The following FGF18 variants were observed in gnomAD, a reference collection of about 807,000 sequenced individuals.
FGF18 encodes fibroblast growth factor 18.
FGF18 carries 5 observed loss-of-function variants against 23.0 expected under a neutral mutation model. The observed-to-expected ratio is 0.22, with a 90% confidence interval of 0.11 to 0.46. The LOEUF is 0.46. Among genes scored for constraint, FGF18 ranks in the 20% least tolerant of loss-of-function variants. The probability of loss-of-function intolerance (pLI) is 0.99; values close to 1 mark genes in which losing one functional copy is unlikely to be tolerated. For missense variants in FGF18, 180 were observed against 291.6 expected, an observed-to-expected ratio of 0.62 and a Z score of 2.79; for synonymous variants, 117 against 118.9, an observed-to-expected ratio of 0.98 and a Z score of 0.10.
intron 1 of FGF18, 53 bp from the exon 2 acceptor site, chr5:171,420,354 G>T (rs1335569372): frequency 2.5e-6 from 4 of 1,609,392 alleles, no homozygotes; most frequent in East Asian, 2.2e-5. Context: ...CTGTCTGTCC[G>T]TGCGCCCCCT....
chr5:171,441,634 A>G (rs907591431), intron 3 of FGF18, among the ~76,000 whole-genome samples: 2 of 152,064 alleles, frequency 1.3e-5, no homozygotes, highest in African/African-American at 2.4e-5. Context: ...GCTGTTATAT[A>G]TTTAGTTACC....
chr5:171,456,495 C>A lies in FGF18; in HGVS notation c.358-44C>A. On this transcript the variant is annotated intron_variant, in intron 4 of 4. Coordinates refer to ENST00000274625, the MANE Select transcript of FGF18 (RefSeq NM_003862.3). This position sits in a 1 kb window ranked among gnomAD's most constrained non-coding sequence, Gnocchi z 6.1. The stretch of plus-strand genomic sequence containing the variant: ...CCTCGCTGTGCTTTGGCAAGCATAA[C>A]TGAGTCATTTTTTTCTTGAACACTC... 1 of 1,590,124 alleles carries A rather than the reference C, an allele frequency of 6.3e-7. No individual in the cohort carries two copies.
At chr5:171,441,439 G>A (rs1375173453) in intron 3 of FGF18, among the ~76,000 whole-genome samples, 2 of 152,186 alleles carry the variant, frequency 1.3e-5, no homozygotes, top group Non-Finnish European at 2.9e-5. Context: ...AGCCTTCCGG[G>A]CATCCCGTGA....
At chr5:171,446,871 G>A (rs1229276046) in intron 3 of FGF18, among the ~76,000 whole-genome samples, 2 of 152,192 alleles carry the variant, frequency 1.3e-5, no homozygotes, top group Non-Finnish European at 2.9e-5. Context: ...ATTTTGCAGT[G>A]TGGGATGTCT....
intron 2 of FGF18, among the ~76,000 whole-genome samples, chr5:171,430,087 G>A (rs1291317119): frequency 2.0e-5 from 3 of 152,236 alleles, no homozygotes; most frequent in East Asian, 1.9e-4. Flanking sequence ...GGCTGAGCGC[G>A]GTGGCTCACG....
chr5:171,428,123 G>A (rs928962434), intron 2 of FGF18, among the ~76,000 whole-genome samples: 5 of 152,202 alleles, frequency 3.3e-5, no homozygotes, highest in African/African-American at 9.7e-5. Context: ...TCTCAAGGCC[G>A]GATTGTCCAC....
At chr5:171,443,988 A>C (rs1186689685) in intron 3 of FGF18, among the ~76,000 whole-genome samples, 1 of 151,222 alleles carries the variant, frequency 6.6e-6, no homozygotes, top group Non-Finnish European at 1.5e-5. Context: ...TCTCCTCTTC[A>C]TCAGATCTGA....
chr5:171,442,769 C>G (rs957269128), intron 3 of FGF18, among the ~76,000 whole-genome samples: 12 of 152,212 alleles, frequency 7.9e-5, no homozygotes, highest in African/African-American at 2.9e-4. Flanking sequence ...ACCCTTCAAA[C>G]CCAAAGTCTT....
rs543837502 is a variant in FGF18, at chr5:171,451,751, G to A, written c.357+2498G>A. Among the ~76,000 whole-genome samples the A allele has an allele frequency of 2.2e-4, 34 of 152,306 alleles. No homozygotes were observed. Among genetic ancestry groups the A allele is most frequent in the Middle Eastern group, 3.4e-3 (1 of 294 alleles). ...GGATTCCTTATGCTCCAGATGCGTGGCACTGAGCACCGCTGTTCCATGGAC... is the reference window on the plus strand; with the variant it reads ...GGATTCCTTATGCTCCAGATGCGTGACACTGAGCACCGCTGTTCCATGGAC... On this transcript the variant is annotated intron_variant, in intron 4 of 4. Coordinates refer to ENST00000274625, the MANE Select transcript of FGF18 (RefSeq NM_003862.3). This position sits in a 1 kb window ranked among gnomAD's most constrained non-coding sequence, Gnocchi z 4.5.
chr5:171,444,300 A>G (rs956710942), intron 3 of FGF18, among the ~76,000 whole-genome samples: 1 of 152,220 alleles, frequency 6.6e-6, no homozygotes, highest in African/African-American at 2.4e-5. Context: ...GGCAAAGCCC[A>G]AGACTTCTGG....
rs567430829 is a variant in FGF18, at chr5:171,440,893, G to A, written c.250+4620G>A. 1.3e-5 allele frequency among the ~76,000 whole-genome samples: 2 copies of A among 152,340 alleles called. No homozygotes were observed. Among genetic ancestry groups the A allele is most frequent in the East Asian group, 1.9e-4 (1 of 5,190 alleles). On this transcript the variant is annotated intron_variant, in intron 3 of 4. Transcript: ENST00000274625. The surrounding 1 kb of genome is among the most constrained non-coding windows in gnomAD (Gnocchi z 4.0). ...CTGCGGTGGAACCATCTGTTGACGT[G>A]GCTGGTGCCCCTGCGAGAGTGTGAG...
chr5:171,440,425 C>A lies in FGF18; in HGVS notation c.250+4152C>A, dbSNP rs1456487076. ...TCTCTGCCCCAGTGAGGGAGGAGGGCCTTTGGCTCCCCTGATTGCGTGTGT... is the reference window on the plus strand; with the variant it reads ...TCTCTGCCCCAGTGAGGGAGGAGGGACTTTGGCTCCCCTGATTGCGTGTGT... On this transcript the variant is annotated intron_variant, in intron 3 of 4. Transcript: ENST00000274625. This position sits in a 1 kb window ranked among gnomAD's most constrained non-coding sequence, Gnocchi z 4.0. Among the ~76,000 whole-genome samples the A allele has an allele frequency of 6.6e-6, 1 of 152,048 alleles. No individual in the cohort carries two copies. The highest frequency in any genetic ancestry group is 2.4e-5 in the African/African-American group (1 of 41,382).
chr5:171,449,212 T>C lies in FGF18; in HGVS notation c.316T>C (p.Phe106Leu), dbSNP rs759836429. The change falls in exon 4 of 5, where the codon TTC (phenylalanine) becomes CTC (leucine). Residue 106 changes from phenylalanine to leucine, a missense_variant. This residue lies in a region of FGF18 where 83 missense variants were observed against 190.4 expected (regional missense o/e 0.44). Coordinates refer to ENST00000274625, the MANE Select transcript of FGF18 (RefSeq NM_003862.3). ...CCGGATCAAGGGCAAGGAGACGGAA[T>C]TCTACCTGTGCATGAACCGCAAAGG... ...QVRIKGKETE[F>L]YLCMNRKGKL... 1 of 1,614,106 alleles carries C rather than the reference T, an allele frequency of 6.2e-7. No homozygotes were observed. The highest frequency in any genetic ancestry group is 1.1e-5 in the South Asian group (1 of 91,074).
chr5:171,447,296 C>A (rs182276879), intron 3 of FGF18, among the ~76,000 whole-genome samples: 1 of 152,176 alleles, frequency 6.6e-6, no homozygotes, highest in African/African-American at 2.4e-5. Flanking sequence ...CTCCTCACCC[C>A]CTGTGGGGCC....
At chr5:171,448,901 G>A (rs978891550) in intron 3 of FGF18, among the ~76,000 whole-genome samples, 2 of 152,076 alleles carry the variant, frequency 1.3e-5, no homozygotes, top group Admixed American at 6.5e-5. Context: ...AAGAGAGGCT[G>A]GAGGAAAGGG....
intron 2 of FGF18, among the ~76,000 whole-genome samples, chr5:171,422,993 C>T (rs1772039158): frequency 6.6e-6 from 1 of 152,216 alleles, no homozygotes. Context: ...CACATTGTGG[C>T]TGCTGGGAAA....
chr5:171,441,877 TGCACAGTAG>T (rs1772351117), intron 3 of FGF18, among the ~76,000 whole-genome samples: 1 of 152,170 alleles, frequency 6.6e-6, no homozygotes, highest in East Asian at 1.9e-4. Flanking sequence ...CAGATCTCAG[TGCACAGTAG>T]GTACTTGGCA....
intron 2 of FGF18, among the ~76,000 whole-genome samples, chr5:171,423,641 G>A (rs905833961): frequency 2.6e-5 from 4 of 152,040 alleles, no homozygotes; most frequent in African/African-American, 4.8e-5. Flanking sequence ...GCCCCCTCTC[G>A]GCCTGACCAC....
intron 2 of FGF18, among the ~76,000 whole-genome samples, chr5:171,421,574 G>T (rs987660997): frequency 6.6e-6 from 1 of 152,196 alleles, no homozygotes; most frequent in African/African-American, 2.4e-5. Flanking sequence ...TGGTTCTCCC[G>T]GTTTTCTGGC....
Sources: gnomAD v4.1 joint callset for allele counts (sites outside exome capture counted in the v4.1 genomes callset) on GRCh38, gnomAD v4.1.1 for gene constraint, gnomAD v4.1.1 regional missense constraint, Gnocchi (gnomAD v3.1) non-coding constraint, MANE v1.5 for transcripts, NCBI Gene and HGNC (gene_info 2026-07-23, HGNC 2026-07-21) for gene names.